LRRC7: variants seen among roughly 807,000 people sequenced by gnomAD.
The protein encoded by LRRC7 is leucine-rich repeat-containing protein 7.
A neutral mutation model predicts 175.7 loss-of-function variants in LRRC7; 23 were observed. The ratio of observed to expected loss-of-function variants is 0.13; its 90% CI spans 0.09 to 0.19. LRRC7 has a LOEUF of 0.19. Among genes scored for constraint, LRRC7 ranks in the 10% least tolerant of loss-of-function variants. The pLI is 1.00. For missense variants in LRRC7, 1,354 were observed against 1,904.7 expected, an observed-to-expected ratio of 0.71 and a Z score of 5.38; for synonymous variants, 685 against 680.9, an observed-to-expected ratio of 1.01 and a Z score of -0.09.
intron 2 of LRRC7, among the ~76,000 whole-genome samples, chr1:69,685,560 A>T (rs545315556): frequency 3.3e-5 from 5 of 152,172 alleles, no homozygotes; most frequent in Non-Finnish European, 5.9e-5. Flanking sequence ...AAATTATGTA[A>T]CTGAAAACCA....
intron 17 of LRRC7, among the ~76,000 whole-genome samples, chr1:70,026,161 A>ACATT (rs1658077927): frequency 6.6e-6 from 1 of 152,136 alleles, no homozygotes; most frequent in Non-Finnish European, 1.5e-5. Context: ...AGAACACTTC[A>ACATT]CATTTCTTTT....
At chr1:69,602,834 C>T (rs534781193) in intron 1 of LRRC7, among the ~76,000 whole-genome samples, 31 of 152,244 alleles carry the variant, frequency 2.0e-4, no homozygotes, top group Middle Eastern at 6.8e-3. Context: ...ATACCTTATT[C>T]TTACTGTATC....
chr1:69,602,868 A>T (rs1407493066), intron 1 of LRRC7, among the ~76,000 whole-genome samples: 3 of 152,214 alleles, frequency 2.0e-5, no homozygotes, highest in African/African-American at 7.2e-5. Context: ...ATAAATTTTG[A>T]TACACAAATA....
intron 1 of LRRC7, among the ~76,000 whole-genome samples, chr1:69,663,881 C>T (rs1443280470): frequency 4.6e-5 from 7 of 151,184 alleles, no homozygotes; most frequent in Non-Finnish European, 8.8e-5. Flanking sequence ...GCCACCGCGC[C>T]CGGCTAATTT....
chr1:69,997,449 T>C (rs1398681686), intron 11 of LRRC7, among the ~76,000 whole-genome samples: 3 of 150,764 alleles, frequency 2.0e-5, no homozygotes, highest in African/African-American at 4.9e-5. Context: ...TGAATAGGAG[T>C]GGTGAGAGAG....
intron 7 of LRRC7, among the ~76,000 whole-genome samples, chr1:69,884,812 A>C: frequency 6.9e-6 from 1 of 144,914 alleles, no homozygotes; most frequent in East Asian, 2.1e-4. Context: ...TTTATTGAGA[A>C]TTTTTAGCAT....
chr1:69,902,162 A>C lies in LRRC7; in HGVS notation c.648-29345A>C, dbSNP rs74434154. ...CATTAGGTTGTGAGGACCTGAAGGC[A>C]ACAGCCACATGTTAATCCCCATCCT... On this transcript the variant is annotated intron_variant, in intron 7 of 26. Transcript: ENST00000651989. Among the ~76,000 whole-genome samples, 700 of 152,288 alleles carry C rather than the reference A, an allele frequency of 4.6e-3. 10 individuals carry two copies. The highest frequency in any genetic ancestry group is 0.016 in the African/African-American group (647 of 41,552).
intron 8 of LRRC7, among the ~76,000 whole-genome samples, chr1:69,934,879 C>A (rs1404168732): frequency 6.6e-6 from 1 of 152,126 alleles, no homozygotes; most frequent in Non-Finnish European, 1.5e-5. Context: ...CTCCTCCCCT[C>A]CCTGTGCTGG....
intron 8 of LRRC7, among the ~76,000 whole-genome samples, chr1:69,935,340 A>G (rs987425148): frequency 3.9e-5 from 6 of 152,304 alleles, no homozygotes; most frequent in African/African-American, 7.2e-5. Context: ...AAATTTTGCT[A>G]TAAGTATGGC....
intron 4 of LRRC7, among the ~76,000 whole-genome samples, chr1:69,812,775 T>C (rs1678081248): frequency 6.6e-6 from 1 of 152,166 alleles, no homozygotes; most frequent in Non-Finnish European, 1.5e-5. Context: ...TGTGTATTGA[T>C]TTATACAAAA....
intron 25 of LRRC7, among the ~76,000 whole-genome samples, chr1:70,100,517 GCTCCAATGCA>G (rs992967590): frequency 6.6e-6 from 1 of 152,020 alleles, no homozygotes; most frequent in African/African-American, 2.4e-5. Context: ...TCTCTTTGTT[GCTCCAATGCA>G]TTATTAATAA....
Position 69,935,635 on chromosome 1 carries a change from C to T in LRRC7, c.711+4065C>T, listed in dbSNP as rs1366613776. On this transcript the variant is annotated intron_variant, in intron 8 of 26. Transcript: ENST00000651989. ...TTGTGTTTCCTGTTTTGTGAAATGCCGGTTTATGTATTTTTGCTCATTTTT... is the reference window on the plus strand; with the variant it reads ...TTGTGTTTCCTGTTTTGTGAAATGCTGGTTTATGTATTTTTGCTCATTTTT... 4.6e-5 allele frequency among the ~76,000 whole-genome samples: 7 copies of T among 152,020 alleles called. No individual in the cohort carries two copies. In the South Asian group the frequency reaches 1.0e-3, roughly 23 times the overall value.
chr1:69,687,520 C>CAAAAAAAAAAAAAAAAAAAAAAAAAAAAA (rs551726376), intron 2 of LRRC7, among the ~76,000 whole-genome samples: 18 of 96,846 alleles, frequency 1.9e-4, no homozygotes, highest in African/African-American at 4.8e-4. Flanking sequence ...AAGAAAAAAC[C>CAAAAAAAAAAAAAAAAAAAAAAAAAAAAA]AAAAAAAAAA....
At chr1:69,943,987 C>A (rs1047791132) in intron 8 of LRRC7, among the ~76,000 whole-genome samples, 108 of 146,490 alleles carry the variant, frequency 7.4e-4, no homozygotes, top group African/African-American at 2.8e-3. Context: ...CACACACACA[C>A]AACATGAGAT....
chr1:69,819,573 CTCTCTGTGTGTGTGTG>C (rs1429916820), intron 4 of LRRC7, among the ~76,000 whole-genome samples: 29 of 128,176 alleles, frequency 2.3e-4, no homozygotes, highest in African/African-American at 1.0e-3. Context: ...CTCTCTCTCT[CTCTCTGTGTGTGTGTG>C]TGTGTGTGTG....
At chr1:69,987,847 AATG>A (rs1350830725) in intron 10 of LRRC7, among the ~76,000 whole-genome samples, 1 of 152,192 alleles carries the variant, frequency 6.6e-6, no homozygotes, top group Non-Finnish European at 1.5e-5. Flanking sequence ...CATATTTTAT[AATG>A]ATATTTCTCT....
chr1:70,009,055 A>T (rs1181389354), intron 11 of LRRC7, among the ~76,000 whole-genome samples: 2 of 152,210 alleles, frequency 1.3e-5, no homozygotes, highest in Non-Finnish European at 2.9e-5. Context: ...GAATTGTGCA[A>T]GGTGACAACC....
intron 26 of LRRC7, among the ~76,000 whole-genome samples, chr1:70,117,393 AG>A (rs1476493335): frequency 1.4e-4 from 22 of 152,232 alleles, no homozygotes; most frequent in Admixed American, 2.0e-4. Flanking sequence ...AATCCAGGAG[AG>A]AACAAGAGAG....
intron 7 of LRRC7, among the ~76,000 whole-genome samples, chr1:69,892,085 A>G (rs550416208): frequency 7.9e-5 from 12 of 152,360 alleles, no homozygotes; most frequent in Admixed American, 2.0e-4. Context: ...AATATATACT[A>G]CTTGTTTATG....
Sources: allele counts gnomAD v4.1 joint callset (sites outside exome capture counted in the v4.1 genomes callset), GRCh38; gene constraint gnomAD v4.1.1; transcripts MANE v1.5; gene names NCBI Gene and HGNC (gene_info 2026-07-23, HGNC 2026-07-21).